Variants in PDE7B observed in about 807,000 individuals in gnomAD.
PDE7B encodes the protein phosphodiesterase 7B.
In PDE7B, 29 loss-of-function variants were observed where a neutral mutation model predicts 56.2. The ratio of observed to expected loss-of-function variants is 0.52; its 90% confidence interval spans 0.38 to 0.70. The LOEUF is 0.70. PDE7B is among the 30% of genes least tolerant of loss of function. PDE7B has a pLI of 0.00. For missense variants in PDE7B, 490 were observed against 565.0 expected, an observed-to-expected ratio of 0.87 and a Z score of 1.35; for synonymous variants, 197 against 196.9, an observed-to-expected ratio of 1.00 and a Z score of 0.00.
intron 1 of PDE7B, among the ~76,000 whole-genome samples, chr6:135,900,035 T>C (rs757013559): frequency 6.6e-6 from 1 of 152,186 alleles, no homozygotes; most frequent in South Asian, 2.1e-4. Flanking sequence ...AAATTAATGT[T>C]GTAAACAAAC....
intron 11 of PDE7B, 99 bp from the exon 12 acceptor site, chr6:136,186,937 C>A (rs1779153756): frequency 2.8e-6 from 2 of 727,066 alleles, no homozygotes; most frequent in South Asian, 3.1e-5. Context: ...CAGTAATTCC[C>A]AGAATAACTT....
At position 135,875,356 on chromosome 6, in the gene PDE7B, A is replaced by AT. The variant is rs949953476; in HGVS notation, c.21+23343dup. On this transcript the variant is annotated intron_variant, in intron 1 of 12. Transcript: ENST00000308191. ...TATTGGTTTAGAGATTAGACATTTC[A>AT]TTTTTTGTGGTTTCAGCAGATACAC... 4.0e-5 allele frequency among the ~76,000 whole-genome samples: 6 copies of AT among 151,890 alleles called. No homozygotes were observed. The South Asian group carries it at 1.2e-3, about 31-fold the overall frequency.
intron 2 of PDE7B, among the ~76,000 whole-genome samples, chr6:136,090,563 C>T (rs1425359404): frequency 6.6e-6 from 1 of 152,114 alleles, no homozygotes; most frequent in Non-Finnish European, 1.5e-5. Flanking sequence ...AACAGTAGTA[C>T]ATTTTATTAT....
At chr6:136,157,280 G>C (rs758476253) in intron 8 of PDE7B, among the ~76,000 whole-genome samples, 11 of 152,064 alleles carry the variant, frequency 7.2e-5, no homozygotes, top group Non-Finnish European at 1.5e-4. Flanking sequence ...CAGACAAGAG[G>C]GTTCTAGAAA....
At chr6:136,114,423 T>C (rs1209235179) in intron 3 of PDE7B, among the ~76,000 whole-genome samples, 1 of 151,982 alleles carries the variant, frequency 6.6e-6, no homozygotes, top group Non-Finnish European at 1.5e-5. Flanking sequence ...CTTTGACATA[T>C]AAAACACACT....
chr6:136,072,034 C>T lies in PDE7B; in HGVS notation c.83-36697C>T, dbSNP rs549222950. ...ACAGTGCCTTAAAAGGTACACAGCACAAAAACTAAATATATTTTAGCTTCT... is the reference window on the plus strand; with the variant it reads ...ACAGTGCCTTAAAAGGTACACAGCATAAAAACTAAATATATTTTAGCTTCT... On this transcript the variant is annotated intron_variant, in intron 2 of 12. Coordinates refer to ENST00000308191, the MANE Select transcript of PDE7B (RefSeq NM_018945.4). Among the ~76,000 whole-genome samples the T allele has an allele frequency of 2.6e-5, 4 of 152,236 alleles. No individual in the cohort carries two copies. In the East Asian group the frequency reaches 7.7e-4, roughly 29 times the overall value.
chr6:135,892,417 C>G (rs1775825121), intron 1 of PDE7B, among the ~76,000 whole-genome samples: 1 of 152,112 alleles, frequency 6.6e-6, no homozygotes. Context: ...ATTTTTATAG[C>G]TAATGCATCA....
chr6:135,965,465 T>C (rs1424277850), intron 2 of PDE7B, among the ~76,000 whole-genome samples: 2 of 152,120 alleles, frequency 1.3e-5, no homozygotes, highest in African/African-American at 4.8e-5. Context: ...AAGCTGCTGA[T>C]AAAGACATAC....
chr6:135,945,719 AAG>A (rs1774585991), intron 1 of PDE7B, among the ~76,000 whole-genome samples: 1 of 152,192 alleles, frequency 6.6e-6, no homozygotes, highest in Non-Finnish European at 1.5e-5. Flanking sequence ...CTGTAAAAGA[AAG>A]AGGAAAATGA....
chr6:135,946,851 G>A (rs985215019), intron 1 of PDE7B, among the ~76,000 whole-genome samples: 1 of 152,036 alleles, frequency 6.6e-6, no homozygotes, highest in African/African-American at 2.4e-5. Context: ...TTAAATAACT[G>A]ATTGTATCTC....
rs534509868 is a variant in PDE7B, at chr6:135,928,228, T to G, written c.22-19236T>G. 2.6e-5 allele frequency among the ~76,000 whole-genome samples: 4 copies of G among 151,678 alleles called. No individual in the cohort carries two copies. The East Asian group carries it at 7.8e-4, about 30-fold the overall frequency. ...AGTTTAGCTACTGTGGAAAGCAATG[T>G]GACAGTTCTTCAAAGAGCTAAAAGC... On this transcript the variant is annotated intron_variant, in intron 1 of 12. Transcript: ENST00000308191.
At position 135,970,532 on chromosome 6, in the gene PDE7B, G is replaced by A. The variant is rs567512320; in HGVS notation, c.82+23008G>A. Among the ~76,000 whole-genome samples, 13 of 152,262 alleles carry A rather than the reference G, an allele frequency of 8.5e-5. No individual in the cohort carries two copies. In the East Asian group the frequency reaches 9.6e-4, roughly 11 times the overall value. On this transcript the variant is annotated intron_variant, in intron 2 of 12. Transcript: ENST00000308191. ...AATGCTGATTTTGATTCAGGAAGTCGAAATGGGGCCTAAGATTAGGTCTAT... is the reference window on the plus strand; with the variant it reads ...AATGCTGATTTTGATTCAGGAAGTCAAAATGGGGCCTAAGATTAGGTCTAT...
chr6:136,091,947 A>G (rs1367162876), intron 2 of PDE7B, among the ~76,000 whole-genome samples: 1 of 152,250 alleles, frequency 6.6e-6, no homozygotes, highest in African/African-American at 2.4e-5. Context: ...ACATAAATCC[A>G]TTCAACAGTT....
At chr6:136,142,205 G>A (rs555354322) in intron 3 of PDE7B, among the ~76,000 whole-genome samples, 16 of 152,154 alleles carry the variant, frequency 1.1e-4, no homozygotes, top group African/African-American at 2.4e-4. Context: ...CCTTCATTTC[G>A]TTATGTACCC....
chr6:136,167,335 C>G (rs1778810931), intron 8 of PDE7B, among the ~76,000 whole-genome samples: 1 of 152,150 alleles, frequency 6.6e-6, no homozygotes, highest in South Asian at 2.1e-4. Flanking sequence ...CAAATCTCAT[C>G]TTAAATTCTG....
At chr6:136,045,992 A>G (rs761137486) in intron 2 of PDE7B, among the ~76,000 whole-genome samples, 1 of 151,978 alleles carries the variant, frequency 6.6e-6, no homozygotes, top group South Asian at 2.1e-4. Context: ...TTTTTGGATG[A>G]CACCCAAACA....
chr6:135,885,335 T>G (rs144501341), intron 1 of PDE7B, among the ~76,000 whole-genome samples: 7,715 of 151,786 alleles, frequency 0.051, 299 homozygotes, highest in East Asian at 0.11. Context: ...GTTGTTTTTT[T>G]TTTTTTTTAT....
At chr6:135,976,642 T>C (rs975802959) in intron 2 of PDE7B, among the ~76,000 whole-genome samples, 1 of 152,338 alleles carries the variant, frequency 6.6e-6, no homozygotes, top group Non-Finnish European at 1.5e-5. Flanking sequence ...TTAAGCCATC[T>C]TTTAAATCAT....
chr6:135,858,083 A>C (rs1198882628), intron 1 of PDE7B, among the ~76,000 whole-genome samples: 2 of 152,176 alleles, frequency 1.3e-5, no homozygotes, highest in African/African-American at 4.8e-5. Context: ...GTGACCAGAA[A>C]AATTTGAAGG....
Sources: gnomAD v4.1 joint callset for allele counts (sites outside exome capture counted in the v4.1 genomes callset) on GRCh38, gnomAD v4.1.1 for gene constraint, MANE v1.5 for transcripts, NCBI Gene and HGNC (gene_info 2026-07-23, HGNC 2026-07-21) for gene names.